DAAM1: variants seen among roughly 807,000 people sequenced by gnomAD.
DAAM1 encodes dishevelled associated activator of morphogenesis 1.
A neutral mutation model predicts 130.0 loss-of-function variants in DAAM1; 52 were observed. The observed-to-expected ratio is 0.40, with a 90% CI of 0.32 to 0.50. DAAM1 has a LOEUF of 0.50. DAAM1 is among the 20% of genes least tolerant of loss of function. The pLI is 0.61. For missense variants in DAAM1, 1,134 were observed against 1,303.8 expected (o/e 0.87, Z 2.01); for synonymous variants, 452 against 444.5 (o/e 1.02, Z -0.21).
At chr14:59,269,138 T>A (rs1398116019) in intron 2 of DAAM1, among the ~76,000 whole-genome samples, 2 of 152,218 alleles carry the variant, frequency 1.3e-5, no homozygotes, top group South Asian at 2.1e-4. Flanking sequence ...CTTGATGATG[T>A]TGTGGAGCTG....
chr14:59,346,664 G>C (rs1886091895), intron 16 of DAAM1, among the ~76,000 whole-genome samples: 1 of 152,102 alleles, frequency 6.6e-6, no homozygotes, highest in Non-Finnish European at 1.5e-5. Context: ...TGAGTCTCTT[G>C]TTGCAGCTAA....
chr14:59,222,404 C>T (rs1442033948), intron 1 of DAAM1, among the ~76,000 whole-genome samples: 1 of 152,192 alleles, frequency 6.6e-6, no homozygotes, highest in African/African-American at 2.4e-5. Flanking sequence ...GGAAGAGGTC[C>T]AGTGTAATCA....
downstream of DAAM1, chr14:59,371,404 C>T (rs1483447260): frequency 3.9e-5 from 6 of 152,002 alleles, no homozygotes; most frequent in Non-Finnish European, 8.8e-5. Context: ...ATTGGGTGTA[C>T]ATATATGCTT....
chr14:59,347,738 G>T, intron 17 of DAAM1, 115 bp downstream of exon 17: 1 of 998,986 alleles, frequency 1.0e-6, no homozygotes. Context: ...ATGAATTGAG[G>T]AGGCTGAACC....
chr14:59,272,614 C>T (rs1245371440), intron 2 of DAAM1, among the ~76,000 whole-genome samples: 1 of 121,710 alleles, frequency 8.2e-6, no homozygotes, highest in Non-Finnish European at 1.8e-5. Flanking sequence ...TATATACACA[C>T]ACACACACAC....
intron 1 of DAAM1, among the ~76,000 whole-genome samples, chr14:59,262,133 A>G (rs1232118111): frequency 1.3e-5 from 2 of 151,680 alleles, no homozygotes; most frequent in Non-Finnish European, 2.9e-5. Context: ...TGTATCCACT[A>G]TTCTTAAAAA....
chr14:59,195,884 C>CT (rs34193768), intron 1 of DAAM1, among the ~76,000 whole-genome samples: 28 of 147,084 alleles, frequency 1.9e-4, no homozygotes, highest in South Asian at 8.7e-4. Context: ...TTTTCTGTAT[C>CT]TTTTTTTTTT....
intron 1 of DAAM1, among the ~76,000 whole-genome samples, chr14:59,254,886 G>T (rs1881805752): frequency 6.6e-6 from 1 of 152,188 alleles, no homozygotes; most frequent in Non-Finnish European, 1.5e-5. Flanking sequence ...GTTTCTGGCA[G>T]GGCTTGGAGA....
At chr14:59,344,071 C>G (rs536802908) in intron 16 of DAAM1, among the ~76,000 whole-genome samples, 1 of 152,146 alleles carries the variant, frequency 6.6e-6, no homozygotes, top group Non-Finnish European at 1.5e-5. Flanking sequence ...GCGGGGGAGA[C>G]AGAAACTTGG....
chr14:59,214,446 G>C (rs1385838678), intron 1 of DAAM1, among the ~76,000 whole-genome samples: 1 of 152,214 alleles, frequency 6.6e-6, no homozygotes, highest in Non-Finnish European at 1.5e-5. Context: ...CTGTGGAAAA[G>C]CCAGATGTCT....
intron 4 of DAAM1, among the ~76,000 whole-genome samples, 190 bp from the exon 5 acceptor site, chr14:59,320,300 G>A (rs1402809292): frequency 2.6e-5 from 4 of 152,158 alleles, no homozygotes; most frequent in East Asian, 1.9e-4. Context: ...TTTGGGCAAC[G>A]TCATCTCTAC....
At chr14:59,189,702 G>C (rs578016417) in intron 1 of DAAM1, among the ~76,000 whole-genome samples, 1 of 152,280 alleles carries the variant, frequency 6.6e-6, no homozygotes, top group African/African-American at 2.4e-5. Flanking sequence ...GCTTGTGATC[G>C]GCTTGCCCTC....
chr14:59,322,788 T>C (rs1044795267), intron 5 of DAAM1, 104 bp from the exon 6 acceptor site: 2 of 943,430 alleles, frequency 2.1e-6, no homozygotes, highest in African/African-American at 3.3e-5. Flanking sequence ...CTTTTGGCAC[T>C]TTAGGAACTA....
chr14:59,240,608 T>C (rs577052622), intron 1 of DAAM1, among the ~76,000 whole-genome samples: 19 of 152,334 alleles, frequency 1.2e-4, no homozygotes, highest in African/African-American at 4.3e-4. Flanking sequence ...CTATGCTGGC[T>C]TCATTTTGGG....
rs889078645 is a variant in DAAM1, at chr14:59,369,786, G to A, written c.*927G>A. 6.8e-6 allele frequency: 1 copy of A among 148,004 alleles called. No homozygotes were observed. The highest frequency in any genetic ancestry group is 2.5e-5 in the African/African-American group (1 of 39,630). 9.2% of individuals were successfully genotyped at this position (148,004 alleles called of 1,614,324 possible). A position where few individuals can be genotyped will look rare whatever the true frequency, so the allele number is the denominator to read the frequency against. On this transcript the variant is annotated 3_prime_UTR_variant, in exon 25 of 25. Transcript: ENST00000360909. ...AAAAAAAAAAAAAAAAATTAATGGG[G>A]TGCCTTTTTGTTATAGTTTCTATTT...
chr14:59,262,898 C>T (rs747475794), intron 1 of DAAM1, among the ~76,000 whole-genome samples: 4 of 152,194 alleles, frequency 2.6e-5, no homozygotes, highest in Non-Finnish European at 5.9e-5. Context: ...CAGCCGCTTC[C>T]CCTCACTTCA....
At chr14:59,234,503 T>A (rs537380070) in intron 1 of DAAM1, among the ~76,000 whole-genome samples, 21 of 152,304 alleles carry the variant, frequency 1.4e-4, no homozygotes, top group South Asian at 1.0e-3. Context: ...CTGAAGTTGC[T>A]TATCAGCTTA....
chr14:59,274,779 A>G (rs1882884509), intron 2 of DAAM1, among the ~76,000 whole-genome samples: 1 of 152,146 alleles, frequency 6.6e-6, no homozygotes, highest in African/African-American at 2.4e-5. Context: ...CTCTGCCTGC[A>G]CCCTATCCAC....
chr14:59,325,731 GT>G lies in DAAM1; in HGVS notation c.1056+2del, dbSNP rs779823881. ...AGAATTTGCCAAAAGATTTGAACTG[GT>G]ACGTATGCTTACAATTATTCTGGTT... On this transcript the variant is annotated splice_donor_variant, in intron 9 of 24. Coordinates refer to ENST00000360909, the MANE Select transcript of DAAM1 (RefSeq NM_001270520.2). LOFTEE classifies it high-confidence loss of function. 5.0e-6 allele frequency: 8 copies of G among 1,613,866 alleles called. No individual in the cohort carries two copies.
Sources: allele counts gnomAD v4.1 joint callset (sites outside exome capture counted in the v4.1 genomes callset), GRCh38; gene constraint gnomAD v4.1.1; transcripts MANE v1.5; gene names NCBI Gene and HGNC (gene_info 2026-07-23, HGNC 2026-07-21).